The following TAF1 variants were observed in gnomAD, a reference collection of about 807,000 sequenced individuals.
TAF1 encodes the protein transcription initiation factor TFIID subunit 1.
In TAF1, 2 loss-of-function variants were observed where a neutral mutation model predicts 138.5. The observed-to-expected ratio is 0.01, with a 90% CI of 0.01 to 0.05. The LOEUF is 0.05. Ranked by LOEUF, TAF1 falls within the 10% of genes least tolerant of loss-of-function variation. The pLI is 1.00. For missense variants in TAF1, 709 were observed against 1,478.0 expected (o/e 0.48, Z 8.53); for synonymous variants, 437 against 503.2 (o/e 0.87, Z 1.76).
chrX:71,412,897 A>AT (rs2035872878), intron 28 of TAF1, among the ~76,000 whole-genome samples: 1 of 111,003 alleles, frequency 9.0e-6, no homozygotes, highest in South Asian at 3.8e-4. Context: ...TTTAATTTTA[A>AT]TTTTTTTTAT....
chrX:71,488,084 C>T (rs959439678), intron 13 of TAF1, among the ~76,000 whole-genome samples: 4 of 111,110 alleles, frequency 3.6e-5, no homozygotes, highest in Non-Finnish European at 7.5e-5. Context: ...AGATTTGTTG[C>T]TCTACTGGGG....
At position 71,378,331 on chromosome X, in the gene TAF1, T is replaced by A. The variant is rs1360604662; in HGVS notation, c.1030T>A (p.Tyr344Asn). The change falls in exon 7 of 38, where the codon TAT (tyrosine) becomes AAT (asparagine). Residue 344 changes from tyrosine to asparagine, a missense_variant. Physicochemically the swap from Tyr to Asn is moderately radical, Grantham distance 143 (BLOSUM62 -2). Around this residue, in one of 14 missense-constraint regions of TAF1, gnomAD observed 201 missense variants for 421.3 expected, o/e 0.48. Transcript: ENST00000423759. Reference protein sequence around the residue: ...DTKPRVAEWRYGPARLWYDML... With the variant: ...DTKPRVAEWRNGPARLWYDML... ...CAAACCAAGAGTGGCTGAGTGGCGTTATGGGCCTGCCCGACTGTGGTATGA... is the reference window on the plus strand; with the variant it reads ...CAAACCAAGAGTGGCTGAGTGGCGTAATGGGCCTGCCCGACTGTGGTATGA... 8.3e-7 allele frequency: 1 copy of A among 1,211,837 alleles called. No homozygotes were observed.
intron 13 of TAF1, among the ~76,000 whole-genome samples, chrX:71,477,322 A>C (rs1007681649): frequency 9.8e-4 from 107 of 109,417 alleles, no homozygotes; most frequent in Middle Eastern, 4.6e-3. Flanking sequence ...ACAGAGTCTC[A>C]CTCTGTCACC....
At chrX:71,447,039 G>T (rs2037725319) in intron 32 of TAF1, among the ~76,000 whole-genome samples, 1 of 111,537 alleles carries the variant, frequency 9.0e-6, no homozygotes, top group Non-Finnish European at 1.9e-5. Context: ...ATCTCTTTGG[G>T]ATCTGGACTA....
chrX:71,367,202 C>T (rs191299779), intron 1 of TAF1, among the ~76,000 whole-genome samples: 3 of 112,614 alleles, frequency 2.7e-5, no homozygotes, highest in Admixed American at 1.9e-4. Flanking sequence ...GCCCTCGTTC[C>T]GAGAACGACC....
chrX:71,506,125 G>A (rs760247621), intron 13 of TAF1, among the ~76,000 whole-genome samples: 22 of 108,122 alleles, frequency 2.0e-4, no homozygotes, highest in Admixed American at 6.0e-4. Context: ...CCTTGAACCC[G>A]GGAGGTGGAG....
intron 32 of TAF1, among the ~76,000 whole-genome samples, chrX:71,452,415 C>T (rs1371002098): frequency 9.0e-6 from 1 of 111,557 alleles, no homozygotes; most frequent in Non-Finnish European, 1.9e-5. Context: ...CTCCTCACAT[C>T]CCAGACGGGG....
At chrX:71,528,887 C>T (rs2147654706) in intron 14 of TAF1, among the ~76,000 whole-genome samples, 1 of 111,568 alleles carries the variant, frequency 9.0e-6, no homozygotes, top group Admixed American at 9.5e-5. Flanking sequence ...TTTATTTGTC[C>T]CCGCCCACAT....
chrX:71,467,538 T>C (rs1237892673), downstream of TAF1, among the ~76,000 whole-genome samples: 1 of 112,296 alleles, frequency 8.9e-6, no homozygotes, highest in Non-Finnish European at 1.9e-5. Context: ...TTTCTATATC[T>C]ACAATTTATT....
intron 32 of TAF1, among the ~76,000 whole-genome samples, chrX:71,436,458 G>T (rs895169436): frequency 1.6e-4 from 17 of 108,610 alleles, no homozygotes; most frequent in African/African-American, 5.7e-4. Context: ...CTCGTGATCC[G>T]CCTGCCTCGG....
intron 13 of TAF1, among the ~76,000 whole-genome samples, chrX:71,474,051 A>G (rs905491217): frequency 9.0e-6 from 1 of 110,839 alleles, no homozygotes; most frequent in Non-Finnish European, 1.9e-5. Flanking sequence ...AGGCTGAGGT[A>G]TGAGAATCGC....
chrX:71,373,804 C>T (rs1471247987), intron 3 of TAF1, among the ~76,000 whole-genome samples: 2 of 110,496 alleles, frequency 1.8e-5, no homozygotes, highest in Non-Finnish European at 3.8e-5. Flanking sequence ...GTCTTTAGGA[C>T]GAATTCTTGA....
chrX:71,380,471 G>T (rs1441721922), intron 8 of TAF1, among the ~76,000 whole-genome samples: 1 of 110,587 alleles, frequency 9.0e-6, no homozygotes, highest in Non-Finnish European at 1.9e-5. Flanking sequence ...TCTTGCTATT[G>T]TTGGTCAGGC....
At chrX:71,456,644 A>ATTTTCTTTT (rs2038298386) in intron 34 of TAF1, among the ~76,000 whole-genome samples, 1 of 30,025 alleles carries the variant, frequency 3.3e-5, no homozygotes, top group Non-Finnish European at 6.4e-5. Context: ...TCAATAATGT[A>ATTTTCTTTT]TTTTCTTTTT....
chrX:71,401,432 A>G (rs925375451), intron 24 of TAF1, 96 bp from the exon 25 acceptor site: 3 of 1,037,062 alleles, frequency 2.9e-6, no homozygotes, highest in African/African-American at 3.7e-5. Context: ...AATCCCCTGC[A>G]TATACTGAGG....
At chrX:71,449,978 G>C (rs771177246) in intron 32 of TAF1, among the ~76,000 whole-genome samples, 51 of 111,054 alleles carry the variant, frequency 4.6e-4, no homozygotes, top group Middle Eastern at 4.7e-3. Flanking sequence ...TCGCCATATT[G>C]CCCAGGCTGG....
chrX:71,509,116 C>A (rs1329431686), intron 13 of TAF1, among the ~76,000 whole-genome samples: 1 of 111,031 alleles, frequency 9.0e-6, no homozygotes. Flanking sequence ...TCAAGTGGTT[C>A]CATCTTGTAA....
chrX:71,424,011 T>C lies in TAF1; in HGVS notation c.4613T>C (p.Val1538Ala). 8.3e-7 allele frequency: 1 copy of C among 1,209,320 alleles called. No homozygotes were observed. The highest frequency in any genetic ancestry group is 1.1e-6 in the Non-Finnish European group (1 of 894,552). The change falls in exon 31 of 38, where the codon GTT (valine) becomes GCT (alanine). Residue 1538 changes from valine to alanine, a missense_variant. Transcript: ENST00000423759. ...PFHHPVNKKF[V>A]PDYYKVIVNP... The stretch of plus-strand genomic sequence containing the variant: ...CATCACCCAGTTAATAAGAAATTTG[T>C]TCCAGATTATTACAAAGTGATTGTC...
intron 37 of TAF1, among the ~76,000 whole-genome samples, chrX:71,461,138 A>G (rs1186689220): frequency 1.8e-5 from 2 of 111,131 alleles, no homozygotes; most frequent in East Asian, 2.8e-4. Context: ...AGACAAGGGA[A>G]CATTTGAATT....
Sources: gnomAD v4.1 joint callset for allele counts (sites outside exome capture counted in the v4.1 genomes callset) on GRCh38, gnomAD v4.1.1 for gene constraint, gnomAD v4.1.1 regional missense constraint, MANE v1.5 for transcripts, NCBI Gene and HGNC (gene_info 2026-07-23, HGNC 2026-07-21) for gene names.